The following PPARGC1A variants were observed in gnomAD, a reference collection of about 807,000 sequenced individuals.
PPARGC1A encodes the protein PPARG coactivator 1 alpha.
In PPARGC1A, 25 loss-of-function variants were observed where a neutral mutation model predicts 88.7. The observed-to-expected ratio is 0.28, with a 90% confidence interval of 0.21 to 0.39. PPARGC1A has a LOEUF of 0.39. Among genes scored for constraint, PPARGC1A ranks in the 10% least tolerant of loss-of-function variants. PPARGC1A has a pLI of 1.00. For synonymous variants in PPARGC1A, 363 were observed against 355.6 expected (o/e 1.02, Z -0.24); for missense variants, 880 against 968.7 (o/e 0.91, Z 1.22).
At chr4:23,800,893 T>C (rs1718550087) in intron 12 of PPARGC1A, among the ~76,000 whole-genome samples, 2 of 151,566 alleles carry the variant, frequency 1.3e-5, no homozygotes, top group African/African-American at 4.8e-5. Context: ...AGTAATTAAA[T>C]GGAAAATGCT....
At chr4:24,210,899 C>A in the PPARGC1A span, among the ~76,000 whole-genome samples, 19 of 152,330 alleles carry the variant, frequency 1.2e-4, no homozygotes, top group Non-Finnish European at 2.6e-4. Context: ...TCAACCCCAA[C>A]CTAGATTTCT....
chr4:24,228,975 T>A, the PPARGC1A span, among the ~76,000 whole-genome samples: 1 of 152,094 alleles, frequency 6.6e-6, no homozygotes, highest in African/African-American at 2.4e-5. Flanking sequence ...TCATTATATC[T>A]TTTACAAACA....
At chr4:24,041,943 T>C in the PPARGC1A span, among the ~76,000 whole-genome samples, 1 of 152,150 alleles carries the variant, frequency 6.6e-6, no homozygotes, top group South Asian at 2.1e-4. Flanking sequence ...GAAAGAAATC[T>C]CTGAATAATC....
chr4:24,419,040 A>G, the PPARGC1A span, among the ~76,000 whole-genome samples: 1 of 152,120 alleles, frequency 6.6e-6, no homozygotes, highest in Non-Finnish European at 1.5e-5. Context: ...TCAAATACTT[A>G]GCTTCTATTC....
At chr4:24,044,645 A>C in the PPARGC1A span, among the ~76,000 whole-genome samples, 1 of 152,162 alleles carries the variant, frequency 6.6e-6, no homozygotes, top group Non-Finnish European at 1.5e-5. Flanking sequence ...GACATCATAT[A>C]CATTCAGCTT....
At chr4:24,348,390 C>T in the PPARGC1A span, among the ~76,000 whole-genome samples, 1 of 152,198 alleles carries the variant, frequency 6.6e-6, no homozygotes, top group African/African-American at 2.4e-5. Context: ...ATTATTCCCC[C>T]AGACATATTT....
the PPARGC1A span, among the ~76,000 whole-genome samples, chr4:24,469,432 G>A: frequency 2.6e-5 from 4 of 152,214 alleles, no homozygotes; most frequent in African/African-American, 9.6e-5. Flanking sequence ...TACCACCAGA[G>A]ATTAAAGCTT....
chr4:24,323,477 C>G, the PPARGC1A span, among the ~76,000 whole-genome samples: 5 of 152,196 alleles, frequency 3.3e-5, no homozygotes, highest in African/African-American at 1.2e-4. Flanking sequence ...GAGTTTCCTT[C>G]TCCTGGCTCA....
the PPARGC1A span, among the ~76,000 whole-genome samples, chr4:24,431,529 T>A: frequency 6.6e-6 from 1 of 152,066 alleles, no homozygotes; most frequent in East Asian, 1.9e-4. Flanking sequence ...GAGGGTCAGG[T>A]GTTAGAAAAA....
chr4:24,387,926 GAAAGAAAGAGAA>G, the PPARGC1A span, among the ~76,000 whole-genome samples: 24 of 15,994 alleles, frequency 1.5e-3, 1 homozygote, highest in South Asian at 4.3e-3. Flanking sequence ...AAGAAAGAAA[GAAAGAAAGAGAA>G]AGAAAGAAAG....
the PPARGC1A span, among the ~76,000 whole-genome samples, chr4:24,116,535 G>A: frequency 6.6e-6 from 1 of 152,314 alleles, no homozygotes; most frequent in East Asian, 1.9e-4. Flanking sequence ...AGGCTTAAGA[G>A]TGGAAGACAG....
At chr4:24,242,083 T>C in the PPARGC1A span, among the ~76,000 whole-genome samples, 1 of 152,214 alleles carries the variant, frequency 6.6e-6, no homozygotes, top group East Asian at 1.9e-4. Context: ...CCACTACTGC[T>C]GCCCTGATGA....
chr4:24,180,165 C>T, the PPARGC1A span, among the ~76,000 whole-genome samples: 1 of 152,168 alleles, frequency 6.6e-6, no homozygotes, highest in Non-Finnish European at 1.5e-5. Flanking sequence ...TATAACATTA[C>T]ATTTTTAATT....
At chr4:23,927,973 G>A in the PPARGC1A span, among the ~76,000 whole-genome samples, 1 of 152,146 alleles carries the variant, frequency 6.6e-6, no homozygotes, top group Admixed American at 6.5e-5. Flanking sequence ...TCGTGAAGCA[G>A]TTGAGGAGTT....
At chr4:24,374,016 C>T in the PPARGC1A span, among the ~76,000 whole-genome samples, 1 of 152,218 alleles carries the variant, frequency 6.6e-6, no homozygotes, top group Non-Finnish European at 1.5e-5. Context: ...TAAAACACCA[C>T]TTGTCAGTAT....
chr4:23,824,854 C>T (rs576463927), intron 5 of PPARGC1A, among the ~76,000 whole-genome samples: 23 of 152,174 alleles, frequency 1.5e-4, no homozygotes, highest in Middle Eastern at 3.4e-3. Flanking sequence ...GACAAGAAAA[C>T]AGCAGAGCAA....
chr4:24,025,340 A>C, the PPARGC1A span, among the ~76,000 whole-genome samples: 142,182 of 152,236 alleles, frequency 0.93, 66,447 homozygotes, highest in Admixed American at 0.96. Context: ...ATACACTTGA[A>C]TACACACCAT....
the PPARGC1A span, among the ~76,000 whole-genome samples, chr4:24,180,013 C>T: frequency 6.6e-6 from 1 of 152,210 alleles, no homozygotes; most frequent in Non-Finnish European, 1.5e-5. Context: ...CTAGGATGTA[C>T]CATTGTCACT....
the PPARGC1A span, among the ~76,000 whole-genome samples, chr4:24,341,909 T>G: frequency 6.6e-6 from 1 of 152,140 alleles, no homozygotes; most frequent in African/African-American, 2.4e-5. Flanking sequence ...TAGCTGGAGT[T>G]CAGTGAACAA....
Sources: gnomAD v4.1 joint callset for allele counts (sites outside exome capture counted in the v4.1 genomes callset) on GRCh38, gnomAD v4.1.1 for gene constraint, MANE v1.5 for transcripts, NCBI Gene and HGNC (gene_info 2026-07-23, HGNC 2026-07-21) for gene names.